CUBN: variants seen among roughly 807,000 people sequenced by gnomAD.
The protein encoded by CUBN is 460 kDa receptor.
CUBN carries 282 observed loss-of-function variants against 405.3 expected under a neutral mutation model. The observed-to-expected ratio is 0.70, with a 90% confidence interval of 0.63 to 0.77. The LOEUF (loss-of-function observed/expected upper bound fraction) is 0.77, where lower values mean the gene tolerates loss of function less well. CUBN is among the 30% of genes least tolerant of loss of function. The pLI is 0.00. For missense variants in CUBN, 4,514 were observed against 4,475.2 expected, an observed-to-expected ratio of 1.01 and a Z score of -0.25; for synonymous variants, 1,684 against 1,617.0, an observed-to-expected ratio of 1.04 and a Z score of -0.99.
chr10:17,012,211 G>A (rs1343663479), intron 28 of CUBN, among the ~76,000 whole-genome samples: 2 of 152,144 alleles, frequency 1.3e-5, no homozygotes, highest in Admixed American at 1.3e-4. Context: ...AAAAATACAG[G>A]GCCCGAAGGC....
intron 17 of CUBN, among the ~76,000 whole-genome samples, chr10:17,081,176 C>T (rs1383199453): frequency 6.6e-6 from 1 of 152,194 alleles, no homozygotes; most frequent in Non-Finnish European, 1.5e-5. Flanking sequence ...TTCAAAACCA[C>T]AGTATCTGTG....
At chr10:17,092,278 AG>A (rs1170069198) in intron 14 of CUBN, among the ~76,000 whole-genome samples, 2 of 152,292 alleles carry the variant, frequency 1.3e-5, no homozygotes, top group Middle Eastern at 3.4e-3. Context: ...TTCATCCTGA[AG>A]GAGTTACAGA....
intron 51 of CUBN, 111 bp downstream of exon 51, chr10:16,903,855 A>C: frequency 1.5e-6 from 1 of 685,756 alleles, no homozygotes; most frequent in East Asian, 3.0e-5. Flanking sequence ...ATATTAACAA[A>C]ACTAATAGCT....
chr10:16,888,150 GA>G (rs1840876411), intron 56 of CUBN, among the ~76,000 whole-genome samples: 1 of 152,176 alleles, frequency 6.6e-6, no homozygotes, highest in African/African-American at 2.4e-5. Context: ...AAGTTCAGGA[GA>G]TCTACTGTAC....
intron 36 of CUBN, among the ~76,000 whole-genome samples, 186 bp from the exon 37 acceptor site, chr10:16,940,423 T>C (rs1041746325): frequency 6.6e-6 from 1 of 152,174 alleles, no homozygotes; most frequent in Admixed American, 6.5e-5. Context: ...ATCCAATAGC[T>C]ACAAAGACGA....
At chr10:16,883,577 T>C (rs1300987784) in intron 56 of CUBN, among the ~76,000 whole-genome samples, 2 of 152,252 alleles carry the variant, frequency 1.3e-5, no homozygotes, top group Non-Finnish European at 2.9e-5. Context: ...TTATTGTGCT[T>C]CTTGATGGGG....
chr10:16,835,926 T>C (rs552454846), intron 63 of CUBN, among the ~76,000 whole-genome samples: 1 of 152,202 alleles, frequency 6.6e-6, no homozygotes, highest in Non-Finnish European at 1.5e-5. Flanking sequence ...TAAAAATGTA[T>C]ATTCAATGTG....
rs756698791 is a variant in CUBN, at chr10:17,122,824, G to C, written c.564C>G (p.Gly188=). ...AACTTCCCATTGTATTAACACATGT[G>C]CCTCCATTCTGGCAGCTCAAGGGTG... The part of the protein sequence containing the change: ...SGTPLSCQNG[G]TCVNTMGSYS... Residue 188 remains glycine, a synonymous_variant, in exon 6 of 67, where the codon GGC becomes GGG. Coordinates refer to ENST00000377833, the MANE Select transcript of CUBN (RefSeq NM_001081.4). The C allele has an allele frequency of 4.3e-6, 7 of 1,610,864 alleles. No individual in the cohort carries two copies. The highest frequency in any genetic ancestry group is 5.9e-6 in the Non-Finnish European group (7 of 1,178,040).
At chr10:16,935,932 G>A (rs1842491389) in intron 39 of CUBN, among the ~76,000 whole-genome samples, 1 of 149,400 alleles carries the variant, frequency 6.7e-6, no homozygotes, top group Admixed American at 6.7e-5. Flanking sequence ...ATAGGACAAT[G>A]CTCAATAAGT....
chr10:17,108,708 A>T (rs1475066137), intron 10 of CUBN, among the ~76,000 whole-genome samples: 1 of 152,174 alleles, frequency 6.6e-6, no homozygotes, highest in Non-Finnish European at 1.5e-5. Flanking sequence ...CTGTGAAGGG[A>T]GAAATAGTAA....
chr10:16,878,763 C>T (rs1466676419), intron 56 of CUBN, among the ~76,000 whole-genome samples: 1 of 152,156 alleles, frequency 6.6e-6, no homozygotes, highest in Non-Finnish European at 1.5e-5. Context: ...AACTACTTTC[C>T]GCCTCTATGG....
At chr10:17,036,894 G>A (rs1834914523) in intron 27 of CUBN, among the ~76,000 whole-genome samples, 1 of 152,114 alleles carries the variant, frequency 6.6e-6, no homozygotes, top group Non-Finnish European at 1.5e-5. Context: ...GACACTGTGA[G>A]AGTGCTCCCG....
intron 14 of CUBN, among the ~76,000 whole-genome samples, chr10:17,096,992 A>G (rs1836389243): frequency 6.6e-6 from 1 of 152,144 alleles, no homozygotes; most frequent in African/African-American, 2.4e-5. Flanking sequence ...AAATTCTAAG[A>G]AGTTCAAACT....
chr10:16,947,148 C>T (rs1262605972), intron 36 of CUBN, 87 bp downstream of exon 36: 2 of 1,379,636 alleles, frequency 1.4e-6, no homozygotes, highest in East Asian at 4.6e-5. Flanking sequence ...TTCACGTACA[C>T]TATGAGTTGC....
At chr10:16,950,246 C>T in intron 33 of CUBN, 135 bp from the exon 34 acceptor site, 1 of 677,726 alleles carries the variant, frequency 1.5e-6, no homozygotes, top group South Asian at 1.5e-5. Flanking sequence ...TGTTTGATAG[C>T]ACAACAGGGT....
chr10:17,050,213 A>G (rs1429737163), intron 22 of CUBN, among the ~76,000 whole-genome samples: 1 of 152,046 alleles, frequency 6.6e-6, no homozygotes, highest in East Asian at 1.9e-4. Flanking sequence ...TTTTAATTCC[A>G]GCTATGACAA....
intron 27 of CUBN, among the ~76,000 whole-genome samples, chr10:17,023,141 G>A (rs150633879): frequency 2.8e-3 from 419 of 151,798 alleles, no homozygotes; most frequent in Middle Eastern, 0.01. Context: ...CATTGAAGGA[G>A]ACCCCTGGAT....
intron 43 of CUBN, among the ~76,000 whole-genome samples, chr10:16,924,594 T>C (rs1412755999): frequency 2.0e-5 from 3 of 152,046 alleles, no homozygotes; most frequent in African/African-American, 7.2e-5. Flanking sequence ...AAAGGAAAAA[T>C]TTATTATTAT....
intron 22 of CUBN, among the ~76,000 whole-genome samples, chr10:17,060,678 AT>A (rs1835486801): frequency 6.6e-6 from 1 of 152,234 alleles, no homozygotes; most frequent in Admixed American, 6.5e-5. Flanking sequence ...GAGGGAAAAT[AT>A]CTGAATCTCT....
Sources: gnomAD v4.1 joint callset for allele counts (sites outside exome capture counted in the v4.1 genomes callset) on GRCh38, gnomAD v4.1.1 for gene constraint, MANE v1.5 for transcripts, NCBI Gene and HGNC (gene_info 2026-07-23, HGNC 2026-07-21) for gene names.